Variants in DLG2 observed in about 807,000 individuals in gnomAD.
The protein encoded by DLG2 is discs large MAGUK scaffold protein 2.
DLG2 carries 45 observed loss-of-function variants against 132.5 expected under a neutral mutation model. The ratio of observed to expected loss-of-function variants is 0.34; its 90% CI spans 0.27 to 0.44. The LOEUF is 0.44. Ranked by LOEUF, DLG2 falls within the 20% of genes least tolerant of loss-of-function variation. DLG2 has a pLI of 1.00. For missense variants in DLG2, 1,045 were observed against 1,196.9 expected, an observed-to-expected ratio of 0.87 and a Z score of 1.87; for synonymous variants, 424 against 419.6, an observed-to-expected ratio of 1.01 and a Z score of -0.13.
intron 4 of DLG2, among the ~76,000 whole-genome samples, chr11:85,256,010 G>A (rs1565223101): frequency 1.3e-5 from 2 of 152,144 alleles, no homozygotes; most frequent in Non-Finnish European, 2.9e-5. Flanking sequence ...ATGGACAGGA[G>A]ACAAGAAAAC....
intron 6 of DLG2, among the ~76,000 whole-genome samples, chr11:85,031,964 T>C (rs1421802296): frequency 3.5e-5 from 5 of 144,430 alleles, no homozygotes; most frequent in African/African-American, 5.2e-5. Context: ...TTTTTTTTTT[T>C]TTTTTTTTTG....
chr11:83,773,732 T>C (rs1304654136), intron 18 of DLG2, among the ~76,000 whole-genome samples: 4 of 152,228 alleles, frequency 2.6e-5, no homozygotes, highest in Admixed American at 2.6e-4. Context: ...CAAGGTATGG[T>C]CATTTTTTTG....
In DLG2 at chr11:84,402,342, A is replaced by G. The variant is rs74437403; in HGVS notation, c.519+132228T>C. On this transcript the variant is annotated intron_variant, in intron 7 of 27. Transcript: ENST00000376104. ...ATTGTTAAAGAACAAGTTCAAGGTC[A>G]TTGAATGGTTAAGATCTGGAGTCAA... 6.0e-3 allele frequency among the ~76,000 whole-genome samples: 910 copies of G among 152,310 alleles called. 1 individual carries two copies. The highest frequency in any genetic ancestry group is 9.6e-3 in the Non-Finnish European group (655 of 68,022).
At chr11:84,608,330 C>T (rs768684505) in intron 6 of DLG2, among the ~76,000 whole-genome samples, 8 of 152,094 alleles carry the variant, frequency 5.3e-5, no homozygotes, top group Non-Finnish European at 7.4e-5. Context: ...TTTGTTTTTA[C>T]CACAGTCCCT....
At chr11:84,088,712 CAA>C (rs1437421765) in intron 10 of DLG2, among the ~76,000 whole-genome samples, 1 of 152,078 alleles carries the variant, frequency 6.6e-6, no homozygotes, top group Non-Finnish European at 1.5e-5. Flanking sequence ...CAGAGAAAAT[CAA>C]AAGAGAGGGT....
chr11:83,682,923 C>T (rs920354856), intron 18 of DLG2, among the ~76,000 whole-genome samples: 1 of 152,124 alleles, frequency 6.6e-6, no homozygotes, highest in African/African-American at 2.4e-5. Context: ...TTGCCCAGGT[C>T]ACACAAAGTG....
At position 84,703,857 on chromosome 11, in the gene DLG2, G is replaced by GAGATAT. The variant is rs1555174775; in HGVS notation, c.358-169127_358-169126insATATCT. 6.9e-3 allele frequency among the ~76,000 whole-genome samples: 708 copies of GAGATAT among 102,682 alleles called. 4 individuals carry two copies. The highest frequency in any genetic ancestry group is 9.7e-3 in the Non-Finnish European group (506 of 52,172). The allele number at this position is 102,682 out of a possible 152,430, so 67.4% of individuals were successfully genotyped here. A position where few individuals can be genotyped will look rare whatever the true frequency, so the allele number is the denominator to read the frequency against. On this transcript the variant is annotated intron_variant, in intron 6 of 27. Transcript: ENST00000376104. ...AATAATGCTAAAACTATGTAGTGAA[G>GAGATAT]ATATATATATATATATATATATATA...
intron 22 of DLG2, among the ~76,000 whole-genome samples, chr11:83,479,045 T>C (rs2092869500): frequency 6.6e-6 from 1 of 152,084 alleles, no homozygotes; most frequent in Admixed American, 6.6e-5. Context: ...ACCTTCTGAA[T>C]TCTTCCATCA....
At chr11:83,592,168 A>G (rs1248174558) in intron 19 of DLG2, among the ~76,000 whole-genome samples, 1,616 of 111,062 alleles carry the variant, frequency 0.015, no homozygotes, top group East Asian at 0.018. Flanking sequence ...GAACCAAAAA[A>G]GAGCCCGCAT....
At chr11:84,106,948 G>C (rs2092983725) in intron 9 of DLG2, among the ~76,000 whole-genome samples, 1 of 37,558 alleles carries the variant, frequency 2.7e-5, no homozygotes, top group African/African-American at 9.3e-5. Flanking sequence ...GTGTGTGAGA[G>C]AGAGAAAGAG....
intron 6 of DLG2, among the ~76,000 whole-genome samples, chr11:85,026,486 T>C (rs896340128): frequency 1.3e-5 from 2 of 152,048 alleles, no homozygotes; most frequent in African/African-American, 2.4e-5. Context: ...GTTGGGAATA[T>C]ATATTGTTAA....
At chr11:84,496,064 G>A (rs1567785225) in intron 7 of DLG2, among the ~76,000 whole-genome samples, 1 of 152,136 alleles carries the variant, frequency 6.6e-6, no homozygotes, top group African/African-American at 2.4e-5. Context: ...GCTGGAGTGA[G>A]CTAAGCTGAA....
At chr11:84,873,226 AAAG>A (rs1403079281) in intron 6 of DLG2, among the ~76,000 whole-genome samples, 1 of 152,180 alleles carries the variant, frequency 6.6e-6, no homozygotes, top group Admixed American at 6.5e-5. Context: ...CAGAGTTAGA[AAAG>A]AAGATGTGAT....
At chr11:85,298,801 T>C (rs961730709) in intron 3 of DLG2, among the ~76,000 whole-genome samples, 5 of 151,844 alleles carry the variant, frequency 3.3e-5, no homozygotes, top group South Asian at 2.1e-4. Context: ...ATATAACAGA[T>C]TGCTCTTGTT....
At chr11:85,564,793 T>G (rs1379564080) in intron 3 of DLG2, among the ~76,000 whole-genome samples, 1 of 151,968 alleles carries the variant, frequency 6.6e-6, no homozygotes, top group Non-Finnish European at 1.5e-5. Flanking sequence ...AGCAGAGATT[T>G]TGGTTGACAT....
chr11:84,024,659 T>C (rs953882221), intron 11 of DLG2, among the ~76,000 whole-genome samples: 5 of 152,086 alleles, frequency 3.3e-5, no homozygotes, highest in African/African-American at 1.2e-4. Flanking sequence ...CCAGCAAATA[T>C]AAACACTCTA....
chr11:85,380,335 G>A (rs533526219), intron 3 of DLG2, among the ~76,000 whole-genome samples: 1 of 152,262 alleles, frequency 6.6e-6, no homozygotes, highest in Admixed American at 6.5e-5. Flanking sequence ...GGTAAATTCT[G>A]GTCAACTATA....
intron 3 of DLG2, among the ~76,000 whole-genome samples, chr11:85,577,704 T>A (rs963728087): frequency 2.0e-5 from 3 of 152,008 alleles, no homozygotes; most frequent in Admixed American, 1.3e-4. Flanking sequence ...AGAGTATAAT[T>A]TTTTTAAAAA....
intron 3 of DLG2, among the ~76,000 whole-genome samples, chr11:85,428,320 A>G (rs1359727042): frequency 6.6e-6 from 1 of 152,238 alleles, no homozygotes; most frequent in African/African-American, 2.4e-5. Flanking sequence ...TCAACAGAAT[A>G]TACATTCTTC....
Sources: allele counts gnomAD v4.1 joint callset (sites outside exome capture counted in the v4.1 genomes callset), GRCh38; gene constraint gnomAD v4.1.1; transcripts MANE v1.5; gene names NCBI Gene and HGNC (gene_info 2026-07-23, HGNC 2026-07-21).